Variants in SMYD3 observed in about 807,000 individuals in gnomAD.
SMYD3 encodes the protein histone-lysine N-methyltransferase SMYD3.
SMYD3 carries 36 observed loss-of-function variants against 57.7 expected under a neutral mutation model. That is an observed-to-expected ratio of 0.62 (90% confidence interval 0.48 to 0.82). The LOEUF (loss-of-function observed/expected upper bound fraction) is 0.82, where lower values mean the gene tolerates loss of function less well. SMYD3 is among the 40% of genes least tolerant of loss of function. SMYD3 has a pLI of 0.00. For missense variants in SMYD3, 515 were observed against 538.8 expected (o/e 0.96, Z 0.44); for synonymous variants, 211 against 195.0 (o/e 1.08, Z -0.68).
chr1:246,155,342 G>C (rs1423737476), intron 5 of SMYD3, among the ~76,000 whole-genome samples: 1 of 152,164 alleles, frequency 6.6e-6, no homozygotes, highest in Non-Finnish European at 1.5e-5. Flanking sequence ...CCAAGAGAAA[G>C]CAGATAATGT....
intron 5 of SMYD3, among the ~76,000 whole-genome samples, chr1:246,023,842 T>TGTGTGTGC: frequency 6.6e-6 from 1 of 151,806 alleles, no homozygotes; most frequent in East Asian, 1.9e-4. Flanking sequence ...TGTGTGTGTG[T>TGTGTGTGC]GTTACTGAAA....
chr1:246,349,275 T>C (rs2065779738), intron 2 of SMYD3, among the ~76,000 whole-genome samples: 1 of 152,234 alleles, frequency 6.6e-6, no homozygotes, highest in Admixed American at 6.5e-5. Context: ...TATTTAATTA[T>C]GTATGTTTAT....
intron 5 of SMYD3, among the ~76,000 whole-genome samples, chr1:246,051,565 T>A (rs2060067686): frequency 6.6e-6 from 1 of 151,708 alleles, no homozygotes; most frequent in African/African-American, 2.4e-5. Context: ...CGTTTTCCAA[T>A]CAATTTATAG....
At chr1:246,430,996 C>A (rs1183472447) in intron 1 of SMYD3, among the ~76,000 whole-genome samples, 2 of 152,056 alleles carry the variant, frequency 1.3e-5, no homozygotes, top group Non-Finnish European at 2.9e-5. Context: ...AAACATAACC[C>A]CTGAGATTTA....
chr1:245,856,869 A>C (rs1238408608), intron 10 of SMYD3, among the ~76,000 whole-genome samples: 2 of 152,128 alleles, frequency 1.3e-5, no homozygotes, highest in Non-Finnish European at 2.9e-5. Context: ...CATCTTTTGG[A>C]TGGAGTTTAT....
intron 5 of SMYD3, among the ~76,000 whole-genome samples, chr1:246,154,875 G>A (rs954459048): frequency 2.0e-5 from 3 of 151,146 alleles, no homozygotes; most frequent in East Asian, 3.9e-4. Flanking sequence ...TCCGCCTCCC[G>A]GGTTCATGTG....
At chr1:246,444,588 A>G (rs545074961) in intron 1 of SMYD3, among the ~76,000 whole-genome samples, 3 of 152,336 alleles carry the variant, frequency 2.0e-5, no homozygotes, top group Admixed American at 2.0e-4. Context: ...GTAGGAAGGA[A>G]GACTCACTCT....
intron 8 of SMYD3, among the ~76,000 whole-genome samples, chr1:245,872,545 A>G (rs2052265019): frequency 6.6e-6 from 1 of 152,192 alleles, no homozygotes; most frequent in South Asian, 2.1e-4. Flanking sequence ...CTTGGATCCA[A>G]CTGAGGAGCA....
intron 5 of SMYD3, among the ~76,000 whole-genome samples, chr1:246,225,498 G>T (rs1430369675): frequency 6.6e-6 from 1 of 152,118 alleles, no homozygotes; most frequent in African/African-American, 2.4e-5. Flanking sequence ...AGAAGGAAGA[G>T]ACAATAACTA....
At chr1:245,981,525 T>C (rs1173379123) in intron 5 of SMYD3, among the ~76,000 whole-genome samples, 2 of 152,174 alleles carry the variant, frequency 1.3e-5, no homozygotes, top group South Asian at 2.1e-4. Flanking sequence ...TGCAAAGCGG[T>C]TTAAATTTAA....
At chr1:246,382,914 C>T (rs2066412986) in intron 1 of SMYD3, among the ~76,000 whole-genome samples, 1 of 152,112 alleles carries the variant, frequency 6.6e-6, no homozygotes, top group Non-Finnish European at 1.5e-5. Flanking sequence ...AGACTTCAGG[C>T]CAGCCCCTAC....
chr1:245,854,590 C>CTT (rs35033540), intron 10 of SMYD3, among the ~76,000 whole-genome samples: 24,043 of 95,298 alleles, frequency 0.25, 2,701 homozygotes, highest in East Asian at 0.62. Flanking sequence ...GGGAGTTATC[C>CTT]TTTTCTCTCT....
chr1:246,260,371 G>C (rs1308368994), intron 5 of SMYD3, among the ~76,000 whole-genome samples: 1 of 152,174 alleles, frequency 6.6e-6, no homozygotes, highest in African/African-American at 2.4e-5. Flanking sequence ...CCAGTGTTCT[G>C]CTCACCAGGA....
At chr1:246,066,027 T>C (rs796732295) in intron 5 of SMYD3, among the ~76,000 whole-genome samples, 25 of 152,324 alleles carry the variant, frequency 1.6e-4, no homozygotes, top group African/African-American at 6.0e-4. Context: ...ATAAAATTTC[T>C]ACCAAAACCA....
At chr1:246,396,231 T>C (rs1228208389) in intron 1 of SMYD3, among the ~76,000 whole-genome samples, 1 of 152,234 alleles carries the variant, frequency 6.6e-6, no homozygotes, top group Non-Finnish European at 1.5e-5. Flanking sequence ...AATTGGGCTT[T>C]ATAGGTATAC....
intron 5 of SMYD3, among the ~76,000 whole-genome samples, chr1:246,308,611 C>T (rs1234128523): frequency 6.6e-6 from 1 of 152,078 alleles, no homozygotes; most frequent in African/African-American, 2.4e-5. Context: ...AACAGCAATA[C>T]CATATGATAC....
At chr1:246,257,555 G>A (rs1459611489) in intron 5 of SMYD3, among the ~76,000 whole-genome samples, 2 of 152,176 alleles carry the variant, frequency 1.3e-5, no homozygotes, top group Non-Finnish European at 1.5e-5. Flanking sequence ...AGATGACTGG[G>A]TCTTGTTGTT....
chr1:245,793,477 G>A (rs1434528915), intron 10 of SMYD3, among the ~76,000 whole-genome samples: 3 of 152,016 alleles, frequency 2.0e-5, no homozygotes, highest in Non-Finnish European at 4.4e-5. Context: ...CCAAGGCTCC[G>A]GCTTGCTTCG....
At chr1:246,180,905 C>T (rs1051471244) in intron 5 of SMYD3, among the ~76,000 whole-genome samples, 25 of 150,518 alleles carry the variant, frequency 1.7e-4, no homozygotes, top group African/African-American at 5.9e-4. Flanking sequence ...GAGAAAGAGG[C>T]GTAAGGAGCC....
Sources: allele counts gnomAD v4.1 joint callset (sites outside exome capture counted in the v4.1 genomes callset), GRCh38; gene constraint gnomAD v4.1.1; transcripts MANE v1.5; gene names NCBI Gene and HGNC (gene_info 2026-07-23, HGNC 2026-07-21).